CCDC88C: variants seen among roughly 807,000 people sequenced by gnomAD.
CCDC88C encodes the protein protein Daple.
In CCDC88C, 131 loss-of-function variants were observed where a neutral mutation model predicts 198.8. The ratio of observed to expected loss-of-function variants is 0.66; its 90% CI spans 0.57 to 0.76. CCDC88C has a LOEUF of 0.76. Among genes scored for constraint, CCDC88C ranks in the 30% least tolerant of loss-of-function variants. The probability of loss-of-function intolerance (pLI) is 0.00; values close to 1 mark genes in which losing one functional copy is unlikely to be tolerated. For missense variants in CCDC88C, 2,553 were observed against 2,631.6 expected, an observed-to-expected ratio of 0.97 and a Z score of 0.65; for synonymous variants, 1,166 against 1,114.7, an observed-to-expected ratio of 1.05 and a Z score of -0.92.
chr14:91,337,515 A>T (rs1893099725), intron 10 of CCDC88C, among the ~76,000 whole-genome samples: 1 of 152,036 alleles, frequency 6.6e-6, no homozygotes, highest in Admixed American at 6.5e-5. Context: ...AAATTTTTTT[A>T]TTTTTTGTAG....
intron 25 of CCDC88C, among the ~76,000 whole-genome samples, chr14:91,287,636 CTTTTTTTTTTTT>C (rs71120129): frequency 9.3e-5 from 7 of 75,628 alleles, no homozygotes; most frequent in African/African-American, 2.2e-4. Flanking sequence ...TGCACCAGGT[CTTTTTTTTTTTT>C]TTTTTTTTTT....
intron 3 of CCDC88C, among the ~76,000 whole-genome samples, chr14:91,396,359 T>C (rs1051560290): frequency 1.3e-5 from 2 of 152,134 alleles, no homozygotes; most frequent in Non-Finnish European, 2.9e-5. Flanking sequence ...AGAAATCCAT[T>C]TCTCTCCTTT....
chr14:91,415,224 C>T (rs887690169), intron 2 of CCDC88C, among the ~76,000 whole-genome samples: 3 of 152,022 alleles, frequency 2.0e-5, no homozygotes, highest in Non-Finnish European at 2.9e-5. Flanking sequence ...GAATATGCCA[C>T]GAGACAGCTT....
intron 21 of CCDC88C, 136 bp from the exon 22 acceptor site, chr14:91,297,627 CTTT>C (rs5810533): frequency 1.5e-4 from 98 of 634,556 alleles, no homozygotes; most frequent in Non-Finnish European, 2.3e-4. Flanking sequence ...CCTCTCTGGG[CTTT>C]TTTTTTTTTC....
intron 12 of CCDC88C, among the ~76,000 whole-genome samples, chr14:91,322,519 A>T (rs1241365436): frequency 6.6e-6 from 1 of 152,232 alleles, no homozygotes; most frequent in Non-Finnish European, 1.5e-5. Context: ...TCCATCCCAA[A>T]TAAGCTGTAA....
At chr14:91,295,108 G>T (rs762207794) in intron 22 of CCDC88C, among the ~76,000 whole-genome samples, 19 of 152,334 alleles carry the variant, frequency 1.2e-4, no homozygotes, top group Middle Eastern at 3.4e-3. Flanking sequence ...ACAGCAAAAT[G>T]CCTGGTACAC....
Position 91,283,339 on chromosome 14 carries a change from G to A in CCDC88C, c.4620C>T (p.Gly1540=), listed in dbSNP as rs1890278440. 2 of 1,613,360 alleles carry A rather than the reference G, an allele frequency of 1.2e-6. No homozygotes were observed. Among genetic ancestry groups the A allele is most frequent in the Non-Finnish European group, 1.7e-6 (2 of 1,179,780 alleles). The change falls in exon 26 of 30, where the codon GGC becomes GGT. Residue 1540 remains glycine (G), a synonymous_variant. Transcript: ENST00000389857. ...GGGCCTGTGACTCACCTTTGGTGCG[G>A]CCTGGGTGCCGGGCGATGGGGGTGG... ...SNSTPIARHP[G]RTKGYNSDDN...
In CCDC88C at chr14:91,313,964, T is replaced by TG; in HGVS notation, c.1851dup (p.Arg618GlnfsTer50). 1 of 1,613,734 alleles carries TG rather than the reference T, an allele frequency of 6.2e-7. No individual in the cohort carries two copies. Among genetic ancestry groups the TG allele is most frequent in the South Asian group, 1.1e-5 (1 of 91,062 alleles). On this transcript the variant is annotated frameshift_variant, in exon 15 of 30. Coordinates refer to ENST00000389857, the MANE Select transcript of CCDC88C (RefSeq NM_001080414.4). LOFTEE classifies it high-confidence loss of function. This position sits in a 1 kb window ranked among gnomAD's most constrained non-coding sequence, Gnocchi z 5.2. Reference sequence around the variant, plus strand: ...TTCTCCTTGGCCTGCTCCAAGTCCCTGTGCAGCTGCCGCTTCTCAAACTCC... The same window carrying TG: ...TTCTCCTTGGCCTGCTCCAAGTCCCTGGTGCAGCTGCCGCTTCTCAAACTCC...
intron 3 of CCDC88C, among the ~76,000 whole-genome samples, chr14:91,377,850 C>T (rs1884535062): frequency 1.3e-5 from 2 of 152,176 alleles, no homozygotes; most frequent in African/African-American, 2.4e-5. Flanking sequence ...CGCTGCAGTG[C>T]GTGCAGCAGG....
chr14:91,361,552 T>G (rs1596112522), intron 3 of CCDC88C, among the ~76,000 whole-genome samples: 1 of 152,072 alleles, frequency 6.6e-6, no homozygotes, highest in South Asian at 2.1e-4. Flanking sequence ...AACCGTGAGG[T>G]GTACTCTACT....
At chr14:91,330,628 G>C (rs1892784407) in intron 10 of CCDC88C, among the ~76,000 whole-genome samples, 1 of 152,186 alleles carries the variant, frequency 6.6e-6, no homozygotes, top group African/African-American at 2.4e-5. Context: ...CTGGGACGAG[G>C]GGATGGGGAG....
chr14:91,342,422 C>A lies in CCDC88C; in HGVS notation c.441G>T (p.Leu147=). 6.3e-7 allele frequency: 1 copy of A among 1,599,176 alleles called. No homozygotes were observed. The highest frequency in any genetic ancestry group is 1.3e-5 in the African/African-American group (1 of 74,742). ...CGATGCCAGCCTGGGTCTCAATGTC[C>A]AGCTGTTTGATTCTTTCAATGAACT... ...KEEFIERIKQ[L]DIETQAGIVA... is the part of the protein sequence containing the mutation. The change falls in exon 6 of 30, where the codon CTG becomes CTT. Residue 147 remains leucine (L), a synonymous_variant. Coordinates refer to ENST00000389857, the MANE Select transcript of CCDC88C (RefSeq NM_001080414.4).
chr14:91,310,066 T>A, intron 15 of CCDC88C, 80 bp from the exon 16 acceptor site: 1 of 1,393,260 alleles, frequency 7.2e-7, no homozygotes, highest in Non-Finnish European at 9.6e-7. Context: ...CGCCCGGGTG[T>A]GAGCAACTGT....
intron 3 of CCDC88C, among the ~76,000 whole-genome samples, chr14:91,367,945 C>T (rs988933404): frequency 1.3e-5 from 2 of 152,098 alleles, no homozygotes; most frequent in Non-Finnish European, 2.9e-5. Context: ...CACCTGATGC[C>T]GGATGATTTT....
At chr14:91,290,920 G>T in intron 24 of CCDC88C, 75 bp downstream of exon 24, 2 of 878,964 alleles carry the variant, frequency 2.3e-6, no homozygotes, top group Non-Finnish European at 3.7e-6. Context: ...GCCCTAGATG[G>T]CTGCTTTCAC....
rs1332082673 is a variant in CCDC88C, at chr14:91,273,042, G to A, written c.5670C>T (p.Pro1890=). 1.9e-6 allele frequency: 3 copies of A among 1,554,816 alleles called. No individual in the cohort carries two copies. In the East Asian group the frequency reaches 7.1e-5, roughly 37 times the overall value. ...PLDTRRFSLA[P]PKEERLAPLH... is the part of the protein sequence containing the mutation. The stretch of plus-strand genomic sequence containing the variant: ...GGGGGGCCAGCCTCTCCTCCTTTGG[G>A]GGAGCCAGGGAGAAGCGCCTCGTGT... Residue 1890 remains proline, a synonymous_variant, in exon 30 of 30, where the codon CCC becomes CCT. Coordinates refer to ENST00000389857, the MANE Select transcript of CCDC88C (RefSeq NM_001080414.4). The surrounding 1 kb of genome is among the most constrained non-coding windows in gnomAD (Gnocchi z 5.6).
chr14:91,343,631 C>A lies in CCDC88C; in HGVS notation c.367G>T (p.Val123Leu). The A allele has an allele frequency of 6.2e-7, 1 of 1,613,782 alleles. No homozygotes were observed. The highest frequency in any genetic ancestry group is 8.5e-7 in the Non-Finnish European group (1 of 1,179,854). The change falls in exon 5 of 30, where the codon GTG (valine) becomes TTG (leucine). Residue 123 changes from valine to leucine, a missense_variant. By Grantham distance (32) the Val-to-Leu change is conservative (BLOSUM62 1). Around this residue, in one of 2 missense-constraint regions of CCDC88C, gnomAD observed 1,260 missense variants for 1,412.0 expected, o/e 0.89. Transcript: ENST00000389857. ...GCACAGCCCAGCACCAGCAGCAGCA[C>A]CTTCTTGATTTCCTCCATGCTCTTC... is the stretch of plus-strand genomic sequence containing the variant. ...SGKSMEEIKK[V>L]LLLVLGCAVQ...
At chr14:91,280,398 A>T (rs1056037948) in intron 27 of CCDC88C, among the ~76,000 whole-genome samples, 1 of 152,234 alleles carries the variant, frequency 6.6e-6, no homozygotes, top group African/African-American at 2.4e-5. Context: ...AACTGAGCCA[A>T]AAACATACTT....
chr14:91,298,441 G>A (rs890444156), intron 21 of CCDC88C, among the ~76,000 whole-genome samples: 12 of 151,820 alleles, frequency 7.9e-5, no homozygotes, highest in Non-Finnish European at 1.3e-4. Flanking sequence ...GGCTGGGCTG[G>A]GAGGATCACT....
Sources: allele counts gnomAD v4.1 joint callset (sites outside exome capture counted in the v4.1 genomes callset), GRCh38; gene constraint gnomAD v4.1.1; regional missense constraint gnomAD v4.1.1; non-coding constraint Gnocchi (gnomAD v3.1); transcripts MANE v1.5; gene names NCBI Gene and HGNC (gene_info 2026-07-23, HGNC 2026-07-21).